HSPG2: variants seen among roughly 807,000 people sequenced by gnomAD.
HSPG2 encodes the protein heparan sulfate proteoglycan 2.
A neutral mutation model predicts 526.6 loss-of-function variants in HSPG2; 278 were observed. That is an observed-to-expected ratio of 0.53 (90% CI 0.48 to 0.58). The LOEUF (loss-of-function observed/expected upper bound fraction) is 0.58, where lower values mean the gene tolerates loss of function less well. Ranked by LOEUF, HSPG2 falls within the 20% of genes least tolerant of loss-of-function variation. HSPG2 has a pLI of 0.00. For synonymous variants in HSPG2, 2,465 were observed against 2,555.4 expected, an observed-to-expected ratio of 0.96 and a Z score of 1.07; for missense variants, 5,354 against 6,099.5, an observed-to-expected ratio of 0.88 and a Z score of 4.07.
chr1:21,903,240 A>G (rs1275425079), intron 1 of HSPG2, among the ~76,000 whole-genome samples: 1 of 152,130 alleles, frequency 6.6e-6, no homozygotes, highest in African/African-American at 2.4e-5. Context: ...GGGCCCTGAA[A>G]TCCGTTCCAA....
chr1:21,904,142 A>G lies in HSPG2; in HGVS notation c.64-7832T>C, dbSNP rs1275434901. 6.6e-6 allele frequency among the ~76,000 whole-genome samples: 1 copy of G among 152,164 alleles called. No homozygotes were observed. The highest frequency in any genetic ancestry group is 1.5e-5 in the Non-Finnish European group (1 of 68,036). ...GGCCACGGAACCACGTGCTGGCAAC[A>G]CCGTGCGAAGAGAGTGCTGAAGGGG... On this transcript the variant is annotated intron_variant, in intron 1 of 96. Coordinates refer to ENST00000374695, the MANE Select transcript of HSPG2 (RefSeq NM_005529.7). The surrounding 1 kb of genome is among the most constrained non-coding windows in gnomAD (Gnocchi z 4.4).
chr1:21,886,787 T>G (rs1040298218), intron 9 of HSPG2, among the ~76,000 whole-genome samples: 14 of 151,696 alleles, frequency 9.2e-5, no homozygotes, highest in Non-Finnish European at 1.8e-4. Flanking sequence ...GCTGGGGAGT[T>G]GGACAGATGG....
chr1:21,908,604 A>C, intron 1 of HSPG2: 2 of 637,682 alleles, frequency 3.1e-6, no homozygotes, highest in Non-Finnish European at 2.8e-6. Flanking sequence ...AAAAAAAAAG[A>C]CCTCTGGGCT....
chr1:21,846,050 T>C, intron 64 of HSPG2, 58 bp downstream of exon 64: 2 of 1,594,192 alleles, frequency 1.3e-6, no homozygotes, highest in Non-Finnish European at 1.7e-6. Flanking sequence ...TTCTGCCCCC[T>C]GGTCTCTGTC....
intron 3 of HSPG2, among the ~76,000 whole-genome samples, chr1:21,892,674 A>G (rs1358747766): frequency 6.6e-6 from 1 of 152,154 alleles, no homozygotes; most frequent in Non-Finnish European, 1.5e-5. Context: ...CAGGAGTTCA[A>G]GACCAGGCTG....
Position 21,880,399 on chromosome 1 carries a change from G to C in HSPG2, c.2159C>G (p.Thr720Ser), listed in dbSNP as rs2152754037. Residue 720 changes from threonine (T) to serine (S), a missense_variant, in exon 16 of 97, where the codon ACC (threonine) becomes AGC (serine). Transcript: ENST00000374695. ...IAMDTTVTHA[T>S]SHGRAHSVEE... ...CACACTGTGGGCACGGCCATGGCTGGTGGCATGGGTGACGGTGGTATCCAT... is the reference window on the plus strand; with the variant it reads ...CACACTGTGGGCACGGCCATGGCTGCTGGCATGGGTGACGGTGGTATCCAT... 1 of 1,614,128 alleles carries C rather than the reference G, an allele frequency of 6.2e-7. No individual in the cohort carries two copies. Among genetic ancestry groups the C allele is most frequent in the Middle Eastern group, 1.6e-4 (1 of 6,062 alleles).
Position 21,852,969 on chromosome 1 carries a change from C to T in HSPG2, c.6541G>A (p.Ala2181Thr), listed in dbSNP as rs143109401. ...CCACGCTTGTGCCACGTGACCTGGG[C>T]GTGGGCCTGCCCGGGCACCACGCAG... Reference protein sequence around the residue: ...LNCVVPGQAHAQVTWHKRGGS... With the variant: ...LNCVVPGQAHTQVTWHKRGGS... The change falls in exon 51 of 97, where the codon GCC becomes ACC. Residue 2181 changes from alanine to threonine, a missense_variant. Coordinates refer to ENST00000374695, the MANE Select transcript of HSPG2 (RefSeq NM_005529.7). 2.9e-4 allele frequency: 467 copies of T among 1,613,554 alleles called. 3 individuals carry two copies. The highest frequency in any genetic ancestry group is 1.4e-3 in the African/African-American group (102 of 75,040).
Position 21,827,883 on chromosome 1 carries a change from A to C in HSPG2, c.12569T>G (p.Leu4190Arg). Residue 4190 changes from leucine to arginine, a missense_variant, in exon 91 of 97, where the codon CTT (leucine) becomes CGT (arginine). Coordinates refer to ENST00000374695, the MANE Select transcript of HSPG2 (RefSeq NM_005529.7). ...GHGIAESDWH[L>R]EGSGGNDAPG... Reference sequence around the variant, plus strand: ...CTCACCATTGCCCCCGCTGCCTTCAAGATGCCAGTCGGACTCTGCTATGCC... The same window carrying C: ...CTCACCATTGCCCCCGCTGCCTTCACGATGCCAGTCGGACTCTGCTATGCC... The C allele has an allele frequency of 6.3e-7, 1 of 1,592,580 alleles. No individual in the cohort carries two copies. The highest frequency in any genetic ancestry group is 1.8e-5 in the Admixed American group (1 of 56,072).
At position 21,887,598 on chromosome 1, in the gene HSPG2, T is replaced by C. The variant is rs767835991; in HGVS notation, c.780A>G (p.Thr260=). 1 of 1,614,020 alleles carries C rather than the reference T, an allele frequency of 6.2e-7. No homozygotes were observed. Among genetic ancestry groups the C allele is most frequent in the Middle Eastern group, 1.7e-4 (1 of 6,050 alleles). Residue 260 remains threonine, a synonymous_variant, in exon 8 of 97, where the codon ACA becomes ACG. Transcript: ENST00000374695. This position sits in a 1 kb window ranked among gnomAD's most constrained non-coding sequence, Gnocchi z 5.0. Reference sequence around the variant, plus strand: ...TGACTGGTGGCTGTCGCATGATGGTTGTCTCTGGCCGGGGCGGTAAAGATG... The same window carrying C: ...TGACTGGTGGCTGTCGCATGATGGTCGTCTCTGGCCGGGGCGGTAAAGATG... ...ETTSLPPRPE[T]TIMRQPPVTH...
At chr1:21,888,479 T>C (rs1424998216) in intron 6 of HSPG2, among the ~76,000 whole-genome samples, 1 of 152,256 alleles carries the variant, frequency 6.6e-6, no homozygotes, top group African/African-American at 2.4e-5. Flanking sequence ...CTCTTCTTTT[T>C]TATTTTTTTA....
intron 90 of HSPG2, 36 bp downstream of exon 90, chr1:21,827,994 A>G: frequency 6.2e-7 from 1 of 1,613,290 alleles, no homozygotes; most frequent in Non-Finnish European, 8.5e-7. Context: ...GGGCCCCAAG[A>G]CAGAGATGAA....
Position 21,855,671 on chromosome 1 carries a change from GC to G in HSPG2, c.5705del (p.Gly1902AlafsTer59). ...SPTPTLEWTG[G>X]PGGQLPAKAQ... The stretch of plus-strand genomic sequence containing the variant: ...CCTTCGCAGGGAGCTGGCCGCCGGG[GC>G]CCCCTGACGAGTAGACGTGGGGTCA... On this transcript the variant is annotated frameshift_variant, in exon 46 of 97. Transcript: ENST00000374695. LOFTEE classifies it high-confidence loss of function. The G allele has an allele frequency of 1.3e-6, 2 of 1,576,458 alleles. No individual in the cohort carries two copies.
In HSPG2 at chr1:21,833,321, T is replaced by A. The variant is rs772551593; in HGVS notation, c.11042A>T (p.Asp3681Val). The A allele has an allele frequency of 1.9e-6, 3 of 1,614,128 alleles. No homozygotes were observed. Among genetic ancestry groups the A allele is most frequent in the South Asian group, 1.1e-5 (1 of 91,084 alleles). The change falls in exon 80 of 97, where the codon GAT becomes GTT. Residue 3681 changes from aspartate (D) to valine (V), a missense_variant. Coordinates refer to ENST00000374695, the MANE Select transcript of HSPG2 (RefSeq NM_005529.7). The part of the protein sequence containing the change: ...YSFLPLPTIK[D>V]AYRKFEIKIT... ...CTTGATCTCGAACTTCCTGTAGGCA[T>A]CCTTGATGGTGGGCAGCGGTAGGAA...
rs1027448087 is a variant in HSPG2 at position 21,851,302 on chromosome 1, C to T, written c.7158+244G>A. 2.5e-5 allele frequency: 15 copies of T among 588,420 alleles called. No homozygotes were observed. In the African/African-American group the frequency reaches 2.6e-4, roughly 10 times the overall value. 36.4% of individuals were successfully genotyped at this position (588,420 alleles called of 1,614,324 possible). A position where few individuals can be genotyped will look rare whatever the true frequency, so the allele number is the denominator to read the frequency against. On this transcript the variant is annotated intron_variant, in intron 55 of 96. Transcript: ENST00000374695. ...CGTACCATTGTTACCATTTTATAGG[C>T]CCTGAAACTATAGCACAGAGAGGTT...
chr1:21,843,271 A>G, intron 66 of HSPG2, 26 bp downstream of exon 66: 1 of 1,613,752 alleles, frequency 6.2e-7, no homozygotes, highest in Admixed American at 1.7e-5. Context: ...GTGCTCTGGC[A>G]TCGCCCACTG....
chr1:21,827,965 G>A (rs1220252681), intron 90 of HSPG2, 46 bp from the exon 91 acceptor site: 3 of 1,610,626 alleles, frequency 1.9e-6, no homozygotes, highest in East Asian at 4.5e-5. Flanking sequence ...GACACCCGTG[G>A]GTACTATGTC....
chr1:21,893,099 C>T lies in HSPG2; in HGVS notation c.245-2405G>A, dbSNP rs559333883. On this transcript the variant is annotated intron_variant, in intron 3 of 96. Coordinates refer to ENST00000374695, the MANE Select transcript of HSPG2 (RefSeq NM_005529.7). This position sits in a 1 kb window ranked among gnomAD's most constrained non-coding sequence, Gnocchi z 4.3. Reference sequence around the variant, plus strand: ...CTGCACACCTGACTAGCCCTGGCCCCGGAGCAGGCTACTCACCAACTCCTG... The same window carrying T: ...CTGCACACCTGACTAGCCCTGGCCCTGGAGCAGGCTACTCACCAACTCCTG... 4.6e-5 allele frequency among the ~76,000 whole-genome samples: 7 copies of T among 152,116 alleles called. No homozygotes were observed. Among genetic ancestry groups the T allele is most frequent in the South Asian group, 4.1e-4 (2 of 4,820 alleles).
rs3736358 is a variant in HSPG2 at position 21,823,667 on chromosome 1, G to A, written c.12952C>T (p.Arg4318Trp). 5.6e-5 allele frequency: 90 copies of A among 1,613,670 alleles called. 2 individuals are homozygous for A. In the Admixed American group the frequency reaches 9.5e-4, roughly 17 times the overall value. The change falls in exon 96 of 97, where the codon CGG (arginine) becomes TGG (tryptophan). Residue 4318 changes from arginine (R) to tryptophan (W), a missense_variant. Coordinates refer to ENST00000374695, the MANE Select transcript of HSPG2 (RefSeq NM_005529.7). The part of the protein sequence containing the change: ...QVDGEELVSG[R>W]SPGPNVAVNA... ...ACTGCCACGTTGGGACCTGGGGACCGGCCGCTGACCAGCTCCTCACCGTCG... is the reference window on the plus strand; with the variant it reads ...ACTGCCACGTTGGGACCTGGGGACCAGCCGCTGACCAGCTCCTCACCGTCG...
chr1:21,894,393 C>T (rs1642597159), intron 3 of HSPG2, among the ~76,000 whole-genome samples: 1 of 152,044 alleles, frequency 6.6e-6, no homozygotes, highest in South Asian at 2.1e-4. Context: ...CCCTGGGACC[C>T]CAGGATCAGG....
Sources: allele counts gnomAD v4.1 joint callset (sites outside exome capture counted in the v4.1 genomes callset), GRCh38; gene constraint gnomAD v4.1.1; non-coding constraint Gnocchi (gnomAD v3.1); transcripts MANE v1.5; gene names NCBI Gene and HGNC (gene_info 2026-07-23, HGNC 2026-07-21).